Variants in TRDN observed in about 807,000 individuals in gnomAD.
TRDN encodes the protein triadin in skeletal muscle.
A neutral mutation model predicts 149.7 loss-of-function variants in TRDN; 161 were observed. That is an observed-to-expected ratio of 1.08 (90% CI 0.95 to 1.23). The LOEUF (loss-of-function observed/expected upper bound fraction) is 1.23, where lower values mean the gene tolerates loss of function less well. Ranked by LOEUF, TRDN falls within the 50% of genes most tolerant of loss-of-function variation. The pLI is 0.00. For missense variants in TRDN, 896 were observed against 823.5 expected, an observed-to-expected ratio of 1.09 and a Z score of -1.08; for synonymous variants, 294 against 250.5, an observed-to-expected ratio of 1.17 and a Z score of -1.64.
At chr6:123,447,692 T>C (rs940453623) in intron 10 of TRDN, among the ~76,000 whole-genome samples, 1 of 151,252 alleles carries the variant, frequency 6.6e-6, no homozygotes, top group Non-Finnish European at 1.5e-5. Flanking sequence ...TCAAACTTCT[T>C]CAAGATACCA....
intron 1 of TRDN, among the ~76,000 whole-genome samples, chr6:123,584,739 G>A (rs969805738): frequency 6.6e-6 from 1 of 152,140 alleles, no homozygotes; most frequent in Admixed American, 6.5e-5. Flanking sequence ...GAGAGGCTGG[G>A]ATGAAGGGTG....
chr6:123,276,316 G>A (rs111948199), intron 26 of TRDN, among the ~76,000 whole-genome samples: 129 of 152,128 alleles, frequency 8.5e-4, no homozygotes, highest in African/African-American at 3.1e-3. Flanking sequence ...CTAAAGGAAA[G>A]GTAATATTTT....
At chr6:123,244,132 T>A (rs1020078499) in intron 38 of TRDN, among the ~76,000 whole-genome samples, 2 of 152,124 alleles carry the variant, frequency 1.3e-5, no homozygotes, top group African/African-American at 4.8e-5. Flanking sequence ...TCCACGAAGA[T>A]GAGAAAAAGC....
chr6:123,421,032 CT>C (rs1225510558), intron 12 of TRDN, among the ~76,000 whole-genome samples: 1 of 152,196 alleles, frequency 6.6e-6, no homozygotes, highest in Non-Finnish European at 1.5e-5. Flanking sequence ...CAACATTCTT[CT>C]TCCAGTTAAA....
At chr6:123,236,492 C>A (rs911986464) in intron 38 of TRDN, among the ~76,000 whole-genome samples, 1 of 151,984 alleles carries the variant, frequency 6.6e-6, no homozygotes, top group Non-Finnish European at 1.5e-5. Flanking sequence ...TACAAATAGT[C>A]CTTTTGGTGT....
chr6:123,400,354 GA>G (rs1050074037), intron 12 of TRDN, among the ~76,000 whole-genome samples: 10 of 151,794 alleles, frequency 6.6e-5, no homozygotes, highest in African/African-American at 2.4e-4. Context: ...TGGTTTTGTG[GA>G]AGACAGTTTA....
At chr6:123,525,880 A>C (rs574954591) in intron 5 of TRDN, among the ~76,000 whole-genome samples, 1 of 152,178 alleles carries the variant, frequency 6.6e-6, no homozygotes, top group Admixed American at 6.6e-5. Flanking sequence ...AAGACAGTGG[A>C]ATAGGCCAAA....
chr6:123,466,617 T>C (rs1353865755), intron 9 of TRDN, among the ~76,000 whole-genome samples: 1 of 151,580 alleles, frequency 6.6e-6, no homozygotes, highest in Non-Finnish European at 1.5e-5. Context: ...ACTTTCTCGG[T>C]GGGTCAAAGG....
intron 1 of TRDN, among the ~76,000 whole-genome samples, chr6:123,572,533 T>C (rs1228907325): frequency 6.6e-6 from 1 of 152,118 alleles, no homozygotes; most frequent in African/African-American, 2.4e-5. Context: ...AACTGAGAGA[T>C]CATCTGGAAC....
chr6:123,456,640 T>C (rs1776140222), intron 10 of TRDN, among the ~76,000 whole-genome samples: 1 of 152,152 alleles, frequency 6.6e-6, no homozygotes, highest in Non-Finnish European at 1.5e-5. Context: ...GGCTAATTTT[T>C]ATATTTTTTG....
intron 9 of TRDN, 85 bp downstream of exon 9, chr6:123,497,108 A>C: frequency 9.4e-7 from 1 of 1,066,876 alleles, no homozygotes; most frequent in Non-Finnish European, 1.3e-6. Flanking sequence ...TTAAAAAATG[A>C]AAATACAGTT....
intron 2 of TRDN, among the ~76,000 whole-genome samples, chr6:123,564,073 T>G (rs767258936): frequency 7.9e-5 from 12 of 152,222 alleles, no homozygotes; most frequent in African/African-American, 2.9e-4. Flanking sequence ...TTCTTTATCT[T>G]TTTCCTCATT....
At chr6:123,548,979 A>G (rs753439791) in intron 2 of TRDN, among the ~76,000 whole-genome samples, 9 of 152,096 alleles carry the variant, frequency 5.9e-5, no homozygotes, top group Admixed American at 5.9e-4. Flanking sequence ...ATGGGACAGC[A>G]TTATAGAAAA....
chr6:123,626,343 C>T (rs1272951706), intron 1 of TRDN, among the ~76,000 whole-genome samples: 1 of 152,062 alleles, frequency 6.6e-6, no homozygotes, highest in Non-Finnish European at 1.5e-5. Flanking sequence ...ATTAGCCTGG[C>T]AGTGTGATGC....
At chr6:123,564,667 T>A (rs1782190109) in intron 2 of TRDN, among the ~76,000 whole-genome samples, 1 of 152,214 alleles carries the variant, frequency 6.6e-6, no homozygotes, top group Admixed American at 6.5e-5. Context: ...AAATTGATGC[T>A]TCCTACTATT....
chr6:123,429,340 T>A (rs1192434899), intron 12 of TRDN: 1 of 152,226 alleles, frequency 6.6e-6, no homozygotes, highest in Non-Finnish European at 1.5e-5. Context: ...ATAACTGTTG[T>A]TATGATTACT....
intron 9 of TRDN, among the ~76,000 whole-genome samples, chr6:123,466,807 T>C (rs1223353450): frequency 6.6e-6 from 1 of 152,108 alleles, no homozygotes; most frequent in Non-Finnish European, 1.5e-5. Flanking sequence ...CAATTGTTTC[T>C]AAATACTAAG....
intron 24 of TRDN, among the ~76,000 whole-genome samples, chr6:123,301,782 T>TACATATATATATATAC (rs1562252344): frequency 1.7e-5 from 1 of 57,598 alleles, no homozygotes; most frequent in Non-Finnish European, 4.7e-5. Context: ...TATATATATA[T>TACATATATATATATAC]ATATACATAA....
chr6:123,287,763 T>G (rs1777852856), intron 24 of TRDN, among the ~76,000 whole-genome samples: 1 of 152,032 alleles, frequency 6.6e-6, no homozygotes, highest in African/African-American at 2.4e-5. Flanking sequence ...TGAAATCAAA[T>G]TTATATAAGA....
Sources: gnomAD v4.1 joint callset for allele counts (sites outside exome capture counted in the v4.1 genomes callset) on GRCh38, gnomAD v4.1.1 for gene constraint, MANE v1.5 for transcripts, NCBI Gene and HGNC (gene_info 2026-07-23, HGNC 2026-07-21) for gene names.